NRXN3: variants seen among roughly 807,000 people sequenced by gnomAD.
NRXN3 encodes neurexin 3.
In NRXN3, 32 loss-of-function variants were observed where a neutral mutation model predicts 137.6. That is an observed-to-expected ratio of 0.23 (90% CI 0.18 to 0.31). The LOEUF is 0.31. Ranked by LOEUF, NRXN3 falls within the 10% of genes least tolerant of loss-of-function variation. The pLI is 1.00. For missense variants in NRXN3, 1,574 were observed against 2,062.5 expected, an observed-to-expected ratio of 0.76 and a Z score of 4.59; for synonymous variants, 798 against 784.5, an observed-to-expected ratio of 1.02 and a Z score of -0.29.
At chr14:79,823,434 G>A (rs1389749795) in intron 20 of NRXN3, among the ~76,000 whole-genome samples, 1 of 151,980 alleles carries the variant, frequency 6.6e-6, no homozygotes, top group Non-Finnish European at 1.5e-5. Context: ...GTAGAAATTG[G>A]GCATGGTGGC....
chr14:78,761,378 C>T lies in NRXN3; in HGVS notation c.2045-42242C>T, dbSNP rs577435173. ...GGGCTGAGAGTGTGAAAGTCAAAAC[C>T]TGTTAGAAACCAGGGGAATTGCCCA... On this transcript the variant is annotated intron_variant, in intron 8 of 20. Coordinates refer to ENST00000335750, the MANE Select transcript of NRXN3 (RefSeq NM_001330195.2). Among the ~76,000 whole-genome samples the T allele has an allele frequency of 1.0e-3, 153 of 152,306 alleles. 1 individual carries two copies. The highest frequency in any genetic ancestry group is 3.5e-3 in the African/African-American group (147 of 41,566).
At chr14:78,301,648 T>C (rs1036439895) in intron 4 of NRXN3, among the ~76,000 whole-genome samples, 1 of 152,240 alleles carries the variant, frequency 6.6e-6, no homozygotes, top group African/African-American at 2.4e-5. Context: ...TGTCTCTTCC[T>C]TCAAAGACTG....
chr14:78,502,011 C>A (rs1348507947), intron 4 of NRXN3, among the ~76,000 whole-genome samples: 3 of 152,072 alleles, frequency 2.0e-5, no homozygotes, highest in South Asian at 2.1e-4. Flanking sequence ...CACTGGATCT[C>A]CACAGAAAGC....
intron 8 of NRXN3, among the ~76,000 whole-genome samples, chr14:78,774,564 C>G (rs1218331835): frequency 1.3e-5 from 2 of 152,134 alleles, no homozygotes; most frequent in Non-Finnish European, 2.9e-5. Context: ...ATATTTGAAA[C>G]CACTCATTGA....
At chr14:79,382,729 A>G (rs1665948186) in intron 15 of NRXN3, among the ~76,000 whole-genome samples, 1 of 152,154 alleles carries the variant, frequency 6.6e-6, no homozygotes, top group African/African-American at 2.4e-5. Context: ...ACTTTTCCCT[A>G]CATATGAATT....
At chr14:79,750,756 G>A (rs980428482) in intron 19 of NRXN3, among the ~76,000 whole-genome samples, 4 of 152,116 alleles carry the variant, frequency 2.6e-5, no homozygotes, top group Admixed American at 6.6e-5. Flanking sequence ...CTGTGGAGTC[G>A]CAAGGACTCT....
intron 15 of NRXN3, among the ~76,000 whole-genome samples, chr14:79,334,955 A>T (rs2092129802): frequency 6.6e-6 from 1 of 152,110 alleles, no homozygotes; most frequent in African/African-American, 2.4e-5. Context: ...TAGACTGGAG[A>T]TAAGGTTGTG....
At chr14:78,667,508 T>C (rs1438444723) in intron 6 of NRXN3, among the ~76,000 whole-genome samples, 1 of 152,210 alleles carries the variant, frequency 6.6e-6, no homozygotes, top group African/African-American at 2.4e-5. Flanking sequence ...CAATGCTGTA[T>C]ATAATATCAA....
At chr14:78,649,189 T>C (rs528112726) in intron 5 of NRXN3, 28 of 978,448 alleles carry the variant, frequency 2.9e-5, no homozygotes, top group Non-Finnish European at 3.8e-5. Flanking sequence ...TAACGACTCA[T>C]CTTTGTTTTT....
intron 1 of NRXN3, among the ~76,000 whole-genome samples, chr14:78,179,053 C>T (rs1342282884): frequency 6.6e-6 from 1 of 152,044 alleles, no homozygotes; most frequent in Non-Finnish European, 1.5e-5. Flanking sequence ...CTGGTTCTGG[C>T]CTGGAGAGAA....
intron 15 of NRXN3, among the ~76,000 whole-genome samples, chr14:79,094,144 C>G (rs2049788957): frequency 6.6e-6 from 1 of 152,120 alleles, no homozygotes; most frequent in African/African-American, 2.4e-5. Context: ...TTGGACTGCT[C>G]TGATCTCTGC....
At chr14:78,755,041 G>A (rs186314755) in intron 8 of NRXN3, among the ~76,000 whole-genome samples, 12 of 152,098 alleles carry the variant, frequency 7.9e-5, no homozygotes, top group Admixed American at 2.6e-4. Context: ...GAGGCTCTAT[G>A]CTCTTCCATT....
chr14:79,514,338 A>G (rs998709834), intron 16 of NRXN3, among the ~76,000 whole-genome samples: 2 of 152,096 alleles, frequency 1.3e-5, no homozygotes, highest in African/African-American at 4.8e-5. Context: ...TCTCTAAAAG[A>G]TTATAGAATT....
intron 15 of NRXN3, among the ~76,000 whole-genome samples, chr14:79,166,936 C>G (rs1042041110): frequency 1.3e-5 from 2 of 151,950 alleles, no homozygotes; most frequent in African/African-American, 4.8e-5. Context: ...ACATTGATTT[C>G]TTTTAATCCT....
In NRXN3 at chr14:78,968,229, G is replaced by A. The variant is rs1299004209; in HGVS notation, c.3025G>A (p.Val1009Met). The A allele has an allele frequency of 2.5e-6, 4 of 1,613,816 alleles. No homozygotes were observed. The highest frequency in any genetic ancestry group is 2.2e-5 in the East Asian group (1 of 44,890). The stretch of plus-strand genomic sequence containing the variant: ...CATGTACAGCAACCTCCCAAAGCTC[G>A]TGGCCTCTCGAGATGGCTTTCAGGG... ...QGMYSNLPKL[V>M]ASRDGFQGCL... Residue 1009 changes from valine (V) to methionine (M), a missense_variant, in exon 14 of 21, where the codon GTG (valine) becomes ATG (methionine). Transcript: ENST00000335750.
intron 4 of NRXN3, among the ~76,000 whole-genome samples, chr14:78,575,905 T>A (rs898480388): frequency 6.6e-6 from 1 of 152,142 alleles, no homozygotes; most frequent in Non-Finnish European, 1.5e-5. Flanking sequence ...TGTACCCCAA[T>A]TAACAGTGAC....
chr14:78,307,151 T>C (rs77108164), intron 4 of NRXN3, among the ~76,000 whole-genome samples: 6,643 of 151,990 alleles, frequency 0.044, 443 homozygotes, highest in African/African-American at 0.15. Flanking sequence ...GGGGATGGCA[T>C]ACACAGTGCA....
At chr14:78,968,555 T>A (rs111498799) in intron 14 of NRXN3, among the ~76,000 whole-genome samples, 5 of 152,320 alleles carry the variant, frequency 3.3e-5, no homozygotes, top group African/African-American at 1.2e-4. Flanking sequence ...TGTTGGCAGA[T>A]GTTTTCTGAG....
intron 6 of NRXN3, among the ~76,000 whole-genome samples, chr14:78,706,324 G>T (rs774263358): frequency 1.3e-5 from 2 of 152,142 alleles, no homozygotes; most frequent in Non-Finnish European, 2.9e-5. Context: ...TTCTTTTCTG[G>T]TTTACTCACT....
Sources: gnomAD v4.1 joint callset for allele counts (sites outside exome capture counted in the v4.1 genomes callset) on GRCh38, gnomAD v4.1.1 for gene constraint, MANE v1.5 for transcripts, NCBI Gene and HGNC (gene_info 2026-07-23, HGNC 2026-07-21) for gene names.